The following SLC4A4 variants were observed in gnomAD, a reference collection of about 807,000 sequenced individuals.
SLC4A4 encodes solute carrier family 4 member 4.
Under a neutral mutation model 111.5 loss-of-function variants are expected in SLC4A4, and 27 were observed. That is an observed-to-expected ratio of 0.24 (90% confidence interval 0.18 to 0.33). The LOEUF is 0.33. SLC4A4 is among the 10% of genes least tolerant of loss of function. The pLI is 1.00. For missense variants in SLC4A4, 909 were observed against 1,315.5 expected, an observed-to-expected ratio of 0.69 and a Z score of 4.78; for synonymous variants, 443 against 463.4, an observed-to-expected ratio of 0.96 and a Z score of 0.57.
intron 6 of SLC4A4, among the ~76,000 whole-genome samples, chr4:71,376,036 T>G (rs1732314736): frequency 6.6e-6 from 1 of 150,634 alleles, no homozygotes; most frequent in South Asian, 2.1e-4. Context: ...AAACTACATA[T>G]ATATACATAT....
At chr4:71,307,376 G>A (rs889178598) in intron 3 of SLC4A4, among the ~76,000 whole-genome samples, 1 of 152,120 alleles carries the variant, frequency 6.6e-6, no homozygotes, top group South Asian at 2.1e-4. Flanking sequence ...AAGGTGAATC[G>A]CTGATGAGAC....
At chr4:71,259,397 AC>A (rs2149066019) in intron 3 of SLC4A4, among the ~76,000 whole-genome samples, 1 of 152,050 alleles carries the variant, frequency 6.6e-6, no homozygotes, top group Non-Finnish European at 1.5e-5. Context: ...AAGTCCTTTC[AC>A]AGCTGCTATT....
intron 5 of SLC4A4, among the ~76,000 whole-genome samples, chr4:71,352,185 T>C (rs547442855): frequency 2.8e-4 from 42 of 152,326 alleles, no homozygotes; most frequent in African/African-American, 8.4e-4. Context: ...GTGAAAATTG[T>C]AATTTCTGCA....
intron 7 of SLC4A4, among the ~76,000 whole-genome samples, chr4:71,435,430 A>G (rs1447687963): frequency 6.6e-6 from 1 of 152,230 alleles, no homozygotes; most frequent in East Asian, 1.9e-4. Context: ...AGAGACTTAA[A>G]TGTAAGACCT....
chr4:71,510,226 C>T (rs1419004084), intron 16 of SLC4A4, among the ~76,000 whole-genome samples: 1 of 152,166 alleles, frequency 6.6e-6, no homozygotes, highest in Non-Finnish European at 1.5e-5. Context: ...GAGCCAATCC[C>T]AGCAAGAAGA....
intron 2 of SLC4A4, among the ~76,000 whole-genome samples, chr4:71,128,752 G>A (rs955983374): frequency 1.3e-5 from 2 of 152,126 alleles, no homozygotes; most frequent in African/African-American, 4.8e-5. Flanking sequence ...ACCTCCCAAA[G>A]TTCTGGGATT....
intron 2 of SLC4A4, among the ~76,000 whole-genome samples, chr4:71,172,295 C>T (rs536039123): frequency 7.5e-4 from 108 of 144,622 alleles, no homozygotes; most frequent in African/African-American, 2.5e-3. Flanking sequence ...CTCGCTTTGT[C>T]GCCAGGCTGG....
chr4:71,079,289 C>T (rs565133719), intron 1 of SLC4A4, among the ~76,000 whole-genome samples: 12 of 152,204 alleles, frequency 7.9e-5, no homozygotes, highest in Middle Eastern at 3.4e-3. Flanking sequence ...GCATTCCTAT[C>T]GCAAGCCCGA....
chr4:71,192,640 C>G (rs544530194), intron 1 of SLC4A4, among the ~76,000 whole-genome samples: 1 of 152,212 alleles, frequency 6.6e-6, no homozygotes, highest in Admixed American at 6.5e-5. Context: ...CCTTCTCCCT[C>G]CCCCACTTTC....
intron 16 of SLC4A4, among the ~76,000 whole-genome samples, chr4:71,529,390 A>C (rs1401335337): frequency 6.6e-6 from 1 of 152,086 alleles, no homozygotes; most frequent in Non-Finnish European, 1.5e-5. Flanking sequence ...AGCAGTATAG[A>C]TCTTTCAGGG....
At chr4:71,165,343 C>T (rs1316698147) in intron 2 of SLC4A4, among the ~76,000 whole-genome samples, 1 of 152,152 alleles carries the variant, frequency 6.6e-6, no homozygotes, top group African/African-American at 2.4e-5. Flanking sequence ...GAAAATGTGG[C>T]ACATATACAC....
At chr4:71,495,398 A>G (rs1275779871) in intron 15 of SLC4A4, among the ~76,000 whole-genome samples, 1 of 152,096 alleles carries the variant, frequency 6.6e-6, no homozygotes, top group Non-Finnish European at 1.5e-5. Flanking sequence ...TGACTTCTAA[A>G]CTTTAAATGT....
At chr4:71,123,559 CTT>C (rs1411007706) in intron 2 of SLC4A4, among the ~76,000 whole-genome samples, 1 of 152,022 alleles carries the variant, frequency 6.6e-6, no homozygotes, top group Non-Finnish European at 1.5e-5. Flanking sequence ...TATTAAAAGA[CTT>C]TTATTTAATA....
At chr4:71,145,698 T>G (rs1474768430) in intron 2 of SLC4A4, among the ~76,000 whole-genome samples, 10 of 152,330 alleles carry the variant, frequency 6.6e-5, no homozygotes, top group East Asian at 1.9e-4. Flanking sequence ...TTTGAGGAAT[T>G]TATCCATTTC....
At chr4:71,567,442 T>C (rs1013049338) in intron 25 of SLC4A4, among the ~76,000 whole-genome samples, 1 of 151,836 alleles carries the variant, frequency 6.6e-6, no homozygotes, top group Non-Finnish European at 1.5e-5. Context: ...TTTCAGATTC[T>C]ACTTGATTTT....
intron 7 of SLC4A4, among the ~76,000 whole-genome samples, chr4:71,432,021 T>C (rs1723685224): frequency 6.6e-6 from 1 of 152,110 alleles, no homozygotes; most frequent in South Asian, 2.1e-4. Context: ...TTGTGAAACT[T>C]GGGGAAAAGA....
intron 16 of SLC4A4, among the ~76,000 whole-genome samples, chr4:71,513,058 T>A (rs1447227016): frequency 6.6e-6 from 1 of 152,206 alleles, no homozygotes; most frequent in African/African-American, 2.4e-5. Flanking sequence ...TGAAGTCAGA[T>A]AATGTGATGC....
At chr4:71,548,916 A>G (rs1200954463) in intron 20 of SLC4A4, among the ~76,000 whole-genome samples, 1 of 151,970 alleles carries the variant, frequency 6.6e-6, no homozygotes, top group Non-Finnish European at 1.5e-5. Context: ...AGACTGATGT[A>G]TACAGTATGC....
intron 2 of SLC4A4, among the ~76,000 whole-genome samples, chr4:71,171,815 T>A (rs1487754808): frequency 3.9e-5 from 6 of 152,224 alleles, no homozygotes; most frequent in Admixed American, 2.0e-4. Context: ...TTTGAATAGT[T>A]GTTTCTCTAA....
Sources: allele counts gnomAD v4.1 joint callset (sites outside exome capture counted in the v4.1 genomes callset), GRCh38; gene constraint gnomAD v4.1.1; transcripts MANE v1.5; gene names NCBI Gene and HGNC (gene_info 2026-07-23, HGNC 2026-07-21).